The following TBC1D5 variants were observed in gnomAD, a reference collection of about 807,000 sequenced individuals.
The protein encoded by TBC1D5 is TBC1 domain family, member 5.
In TBC1D5, 75 loss-of-function variants were observed where a neutral mutation model predicts 100.3. That is an observed-to-expected ratio of 0.75 (90% CI 0.62 to 0.91). TBC1D5 has a LOEUF of 0.91. TBC1D5 is among the 40% of genes least tolerant of loss of function. The pLI is 0.00. For missense variants in TBC1D5, 910 were observed against 942.4 expected, an observed-to-expected ratio of 0.97 and a Z score of 0.45; for synonymous variants, 323 against 325.6, an observed-to-expected ratio of 0.99 and a Z score of 0.09.
chr3:17,472,725 A>G (rs2095392442), intron 3 of TBC1D5, among the ~76,000 whole-genome samples: 1 of 152,254 alleles, frequency 6.6e-6, no homozygotes, highest in South Asian at 2.1e-4. Flanking sequence ...GTAGGCACTC[A>G]ATAAACAGCT....
chr3:17,367,643 A>G (rs937552655), intron 13 of TBC1D5, among the ~76,000 whole-genome samples: 19 of 152,068 alleles, frequency 1.2e-4, no homozygotes, highest in Admixed American at 9.8e-4. Context: ...CAGATCACTC[A>G]AGGTCAGGAG....
chr3:17,342,325 C>T (rs1337913023), intron 13 of TBC1D5, among the ~76,000 whole-genome samples: 1 of 152,170 alleles, frequency 6.6e-6, no homozygotes, highest in Non-Finnish European at 1.5e-5. Flanking sequence ...CTTGCTTGAA[C>T]CACTTCCTGA....
chr3:17,691,282 C>T (rs1216785404), intron 1 of TBC1D5, among the ~76,000 whole-genome samples: 2 of 152,194 alleles, frequency 1.3e-5, no homozygotes, highest in African/African-American at 4.8e-5. Flanking sequence ...TCCCACCATT[C>T]CTAATTCCTG....
intron 1 of TBC1D5, among the ~76,000 whole-genome samples, chr3:17,731,133 T>C (rs986138883): frequency 1.3e-5 from 2 of 151,998 alleles, no homozygotes; most frequent in African/African-American, 4.8e-5. Context: ...AGCAAAAACA[T>C]GAACAGTTCC....
In TBC1D5 at chr3:17,554,888, T is replaced by C. The variant is rs187686206; in HGVS notation, c.-35-46283A>G. On this transcript the variant is annotated intron_variant, in intron 2 of 21. Transcript: ENST00000253692. Reference sequence around the variant, plus strand: ...TTTTTGGAGACAGAGTCTCACTCTGTCGCCAGGCTGGAGTGCAGTGGCGCG... The same window carrying C: ...TTTTTGGAGACAGAGTCTCACTCTGCCGCCAGGCTGGAGTGCAGTGGCGCG... 3.3e-3 allele frequency among the ~76,000 whole-genome samples: 507 copies of C among 151,956 alleles called. 3 individuals carry two copies. Among genetic ancestry groups the C allele is most frequent in the African/African-American group, 0.011 (475 of 41,424 alleles).
At chr3:17,601,731 G>A (rs1042432933) in intron 2 of TBC1D5, among the ~76,000 whole-genome samples, 9 of 152,136 alleles carry the variant, frequency 5.9e-5, no homozygotes, top group African/African-American at 1.9e-4. Flanking sequence ...AAAACCCCAC[G>A]TTATTATTAA....
At chr3:17,270,372 A>G (rs551959924) in intron 15 of TBC1D5, among the ~76,000 whole-genome samples, 1 of 152,128 alleles carries the variant, frequency 6.6e-6, no homozygotes, top group East Asian at 1.9e-4. Flanking sequence ...TTCCTTATAC[A>G]TTTTGGATAT....
At chr3:17,285,382 TC>T (rs1391416582) in intron 15 of TBC1D5, among the ~76,000 whole-genome samples, 1 of 145,318 alleles carries the variant, frequency 6.9e-6, no homozygotes, top group East Asian at 2.3e-4. Context: ...TGCCTCAGCC[TC>T]CCGAGTAGCT....
At position 17,166,260 on chromosome 3, in the gene TBC1D5, G is replaced by A. The variant is rs143050304; in HGVS notation, c.2094+507C>T. Among the ~76,000 whole-genome samples the A allele has an allele frequency of 2.0e-4, 30 of 152,028 alleles. No individual in the cohort carries two copies. The East Asian group carries it at 3.7e-3, about 19-fold the overall frequency. ...TGCCTGCAAATCCTGAAATACTTAC[G>A]CTGTAGCCCTCTATGGACCCCTGCC... On this transcript the variant is annotated intron_variant, in intron 21 of 21. Coordinates refer to ENST00000253692, the Ensembl canonical transcript of TBC1D5.
intron 3 of TBC1D5, among the ~76,000 whole-genome samples, chr3:17,438,798 C>T (rs1448005736): frequency 2.0e-5 from 3 of 151,744 alleles, no homozygotes; most frequent in Non-Finnish European, 4.4e-5. Flanking sequence ...TACTACAGTC[C>T]AACAAAAGCT....
rs766488425 is a variant in TBC1D5 at position 17,374,607 on chromosome 3, CAAAG to C, written c.752+18_752+21del. 74 of 1,609,824 alleles carry C rather than the reference CAAAG, an allele frequency of 4.6e-5. No individual in the cohort carries two copies. Among genetic ancestry groups the C allele is most frequent in the East Asian group, 1.6e-4 (7 of 44,558 alleles). On this transcript the variant is annotated intron_variant, in intron 11 of 21. Coordinates refer to ENST00000253692, the Ensembl canonical transcript of TBC1D5. ...ATAATGATGGTATAAAAAAATAAAA[CAAAG>C]AAAGTTTTTGTACTTACTAGGCATC...
At chr3:17,571,549 T>G (rs1383115870) in intron 2 of TBC1D5, among the ~76,000 whole-genome samples, 1 of 152,016 alleles carries the variant, frequency 6.6e-6, no homozygotes, top group Non-Finnish European at 1.5e-5. Flanking sequence ...CTTGTTTCAT[T>G]TCCTTTCTTA....
chr3:17,531,177 T>A (rs981967256), intron 2 of TBC1D5, among the ~76,000 whole-genome samples: 8 of 152,172 alleles, frequency 5.3e-5, no homozygotes, highest in African/African-American at 1.9e-4. Context: ...ACAAGCATTC[T>A]TATACAGCAA....
intron 18 of TBC1D5, among the ~76,000 whole-genome samples, chr3:17,196,879 A>G (rs1439047713): frequency 6.6e-6 from 1 of 152,180 alleles, no homozygotes; most frequent in Non-Finnish European, 1.5e-5. Context: ...TTTCAATGAG[A>G]TCAATGTATT....
intron 15 of TBC1D5, among the ~76,000 whole-genome samples, chr3:17,277,073 C>T (rs2080095228): frequency 6.6e-6 from 1 of 152,232 alleles, no homozygotes; most frequent in Admixed American, 6.5e-5. Context: ...GCCACGGAAA[C>T]ACTGGGTTTC....
intron 19 of TBC1D5, among the ~76,000 whole-genome samples, chr3:17,184,083 T>C (rs556822349): frequency 5.9e-5 from 9 of 152,316 alleles, no homozygotes; most frequent in African/African-American, 2.2e-4. Context: ...AATGGTAAAA[T>C]GGTGCATGAC....
At chr3:17,386,717 C>T (rs2093166867) in intron 8 of TBC1D5, among the ~76,000 whole-genome samples, 1 of 152,152 alleles carries the variant, frequency 6.6e-6, no homozygotes, top group South Asian at 2.1e-4. Flanking sequence ...CACTACGTGG[C>T]TGTGCTGGCG....
chr3:17,284,189 C>G (rs967852826), intron 15 of TBC1D5, among the ~76,000 whole-genome samples: 7 of 151,876 alleles, frequency 4.6e-5, no homozygotes, highest in African/African-American at 1.7e-4. Context: ...GCAATCTTGG[C>G]TCACTGCAAC....
At chr3:17,432,370 T>C (rs1318513704) in intron 3 of TBC1D5, among the ~76,000 whole-genome samples, 1 of 152,222 alleles carries the variant, frequency 6.6e-6, no homozygotes, top group Admixed American at 6.5e-5. Context: ...TAAAAATCTA[T>C]GAATAAAGTA....
Sources: allele counts gnomAD v4.1 joint callset (sites outside exome capture counted in the v4.1 genomes callset), GRCh38; gene constraint gnomAD v4.1.1; transcripts MANE v1.5; gene names NCBI Gene and HGNC (gene_info 2026-07-23, HGNC 2026-07-21).